Variants in OPA3 observed in about 807,000 individuals in gnomAD.
OPA3 encodes the protein outer mitochondrial membrane lipid metabolism regulator OPA3.
A neutral mutation model predicts 4.0 loss-of-function variants in OPA3; 6 were observed. The ratio of observed to expected loss-of-function variants is 1.51; its 90% CI spans 0.83 to 2.99. The LOEUF is 2.99. Among genes scored for constraint, OPA3 ranks in the 30% most tolerant of loss-of-function variants. The pLI, the probability that OPA3 is intolerant of heterozygous loss-of-function variation, is 0.00. For missense variants in OPA3, 235 were observed against 256.2 expected (o/e 0.92, Z 0.56); for synonymous variants, 105 against 117.1 (o/e 0.90, Z 0.67).
At chr19:45,529,211 C>A in exon 2 of OPA3, 1 of 1,612,226 alleles carries the variant, frequency 6.2e-7, no homozygotes, top group Non-Finnish European at 8.5e-7. Flanking sequence ...AGCGCCAGCC[C>A]CAAGTGGCCC....
chr19:45,567,778 C>T (rs544609323), intron 1 of OPA3, among the ~76,000 whole-genome samples: 5 of 152,254 alleles, frequency 3.3e-5, no homozygotes, highest in African/African-American at 4.8e-5. Flanking sequence ...CTGTTTCTCT[C>T]GCTTTGAGAG....
chr19:45,573,159 G>C lies in OPA3; in HGVS notation c.142+11464C>G, dbSNP rs1243480422. On this transcript the variant is annotated intron_variant, in intron 1 of 1. Transcript: ENST00000263275. ...TTCTAGTTCACCAGGTACCTTGCCAGAGACCTGGTTCTACACAAGGCTGTT... is the reference window on the plus strand; with the variant it reads ...TTCTAGTTCACCAGGTACCTTGCCACAGACCTGGTTCTACACAAGGCTGTT... Among the ~76,000 whole-genome samples, 3 of 151,996 alleles carry C rather than the reference G, an allele frequency of 2.0e-5. No homozygotes were observed. The East Asian group carries it at 5.8e-4, about 29-fold the overall frequency.
intron 1 of OPA3, among the ~76,000 whole-genome samples, chr19:45,540,681 C>A (rs370824601): frequency 1.1e-4 from 16 of 150,546 alleles, no homozygotes; most frequent in African/African-American, 3.9e-4. Flanking sequence ...CAGGCGCCTG[C>A]AATCCCAGCT....
chr19:45,566,229 A>C (rs768951976), intron 1 of OPA3, among the ~76,000 whole-genome samples: 35 of 151,564 alleles, frequency 2.3e-4, no homozygotes, highest in Non-Finnish European at 4.3e-4. Flanking sequence ...AGCTCACTGC[A>C]ACCTCTGCTG....
At chr19:45,584,246 G>T in intron 1 of OPA3, 1 of 732,058 alleles carries the variant, frequency 1.4e-6, no homozygotes, top group Non-Finnish European at 1.7e-6. Flanking sequence ...GTTGCCCAAG[G>T]ACAGCCGGGC....
intron 1 of OPA3, among the ~76,000 whole-genome samples, chr19:45,559,757 G>A (rs896490305): frequency 6.6e-6 from 1 of 151,950 alleles, no homozygotes; most frequent in African/African-American, 2.4e-5. Context: ...ATCTCAGCTG[G>A]ACTGTCCCTT....
rs1969264636 is a variant in OPA3, at chr19:45,547,375, T to C, written c.*6139A>G. ...ACTGCAAAAGCAACTGTGGAAAATATGCAAACGAATGAGCGCCTGGGTTCC... is the reference window on the plus strand; with the variant it reads ...ACTGCAAAAGCAACTGTGGAAAATACGCAAACGAATGAGCGCCTGGGTTCC... On this transcript the variant is annotated 3_prime_UTR_variant, in exon 2 of 2. Coordinates refer to ENST00000263275, the MANE Select transcript of OPA3 (RefSeq NM_025136.4). 1 of 152,202 alleles carries C rather than the reference T, an allele frequency of 6.6e-6. No homozygotes were observed. Among genetic ancestry groups the C allele is most frequent in the African/African-American group, 2.4e-5 (1 of 41,430 alleles). 9.4% of individuals were successfully genotyped at this position (152,202 alleles called of 1,614,324 possible). A position where few individuals can be genotyped will look rare whatever the true frequency, so the allele number is the denominator to read the frequency against.
rs1414435956 is a variant in OPA3, at chr19:45,572,981, C to A, written c.142+11642G>T. On this transcript the variant is annotated intron_variant, in intron 1 of 1. Coordinates refer to ENST00000263275, the MANE Select transcript of OPA3 (RefSeq NM_025136.4). ...CAGGTGCTTAGATACAATTAGGTACCCCTAGGGGTTCATTCTCAGCCTGCA... is the reference window on the plus strand; with the variant it reads ...CAGGTGCTTAGATACAATTAGGTACACCTAGGGGTTCATTCTCAGCCTGCA... Among the ~76,000 whole-genome samples, 7 of 151,376 alleles carry A rather than the reference C, an allele frequency of 4.6e-5. No homozygotes were observed. In the East Asian group the frequency reaches 1.4e-3, roughly 29 times the overall value.
At chr19:45,572,616 CATGAT>C (rs1969698083) in intron 1 of OPA3, among the ~76,000 whole-genome samples, 2 of 127,532 alleles carry the variant, frequency 1.6e-5, no homozygotes, top group Admixed American at 8.6e-5. Flanking sequence ...TCATATATAT[CATGAT>C]ATATGTATAT....
intron 1 of OPA3, among the ~76,000 whole-genome samples, chr19:45,560,546 C>T (rs745661355): frequency 7.9e-5 from 12 of 152,144 alleles, no homozygotes; most frequent in East Asian, 1.9e-4. Flanking sequence ...TCTGTCCCCT[C>T]GAGAATGTGG....
At position 45,529,328 on chromosome 19, in the gene OPA3, TGAA is replaced by T. The variant is rs755084544; in HGVS notation, c.268_270del (p.Phe90del). ...AGCATCAGGCAGCTGCAGGCGGTGA[TGAA>T]GATGATGCCCTCGCCCAGCAGCTCC... is the stretch of plus-strand genomic sequence containing the variant. On this transcript the variant is annotated inframe_deletion, in exon 2 of 2. Transcript: ENST00000323060. 1 of 1,614,174 alleles carries T rather than the reference TGAA, an allele frequency of 6.2e-7. No homozygotes were observed. The highest frequency in any genetic ancestry group is 8.5e-7 in the Non-Finnish European group (1 of 1,180,034).
intron 1 of OPA3, among the ~76,000 whole-genome samples, chr19:45,580,321 T>C (rs1339376397): frequency 4.8e-5 from 7 of 146,630 alleles, no homozygotes; most frequent in Non-Finnish European, 1.1e-4. Context: ...GAGACAGAGT[T>C]TCACTCTTGT....
downstream of OPA3, among the ~76,000 whole-genome samples, chr19:45,542,531 G>A (rs1018253559): frequency 3.3e-5 from 5 of 152,136 alleles, no homozygotes; most frequent in Admixed American, 6.5e-5. Flanking sequence ...AAGTACTTGC[G>A]TGTCTAGACA....
At chr19:45,528,348 T>C (rs7259834) in exon 2 of OPA3, 149,078 of 152,614 alleles carry the variant, frequency 0.98, 72,823 homozygotes, top group East Asian at 1. Context: ...GCGCCATAGG[T>C]GGAAGAAGAG....
intron 1 of OPA3, among the ~76,000 whole-genome samples, chr19:45,558,042 A>C (rs1209254777): frequency 6.6e-6 from 1 of 152,194 alleles, no homozygotes. Context: ...TGAGAAGAAA[A>C]GAACAAACTG....
intron 1 of OPA3, among the ~76,000 whole-genome samples, chr19:45,568,617 G>T (rs1969617074): frequency 6.6e-6 from 1 of 152,130 alleles, no homozygotes; most frequent in African/African-American, 2.4e-5. Context: ...ACCCGAGACT[G>T]CAGTAACACA....
downstream of OPA3, among the ~76,000 whole-genome samples, chr19:45,541,842 G>A (rs893652321): frequency 5.9e-5 from 9 of 152,200 alleles, no homozygotes; most frequent in African/African-American, 2.2e-4. Context: ...TGATATTACA[G>A]GTGTGAGCCA....
chr19:45,529,145 G>A lies in OPA3; in HGVS notation c.454C>T (p.Leu152=), dbSNP rs376630127. 159 of 1,609,392 alleles carry A rather than the reference G, an allele frequency of 9.9e-5. No homozygotes were observed. The highest frequency in any genetic ancestry group is 1.1e-4 in the Non-Finnish European group (135 of 1,179,002). Reference sequence around the variant, plus strand: ...CGCACCTCCTGCAGCTGAGCGCGCAGCTCCTCCAGGGCGAGCTGCGTCGAC... The same window carrying A: ...CGCACCTCCTGCAGCTGAGCGCGCAACTCCTCCAGGGCGAGCTGCGTCGAC... The change falls in exon 2 of 2, where the codon CTG becomes TTG. Residue 152 remains leucine, a synonymous_variant. Transcript: ENST00000323060.
chr19:45,530,108 C>A (rs567511257), intron 1 of OPA3, among the ~76,000 whole-genome samples: 1 of 152,156 alleles, frequency 6.6e-6, no homozygotes, highest in African/African-American at 2.4e-5. Flanking sequence ...AATCCCAGCA[C>A]TTTGAGAGGC....
Sources: allele counts gnomAD v4.1 joint callset (sites outside exome capture counted in the v4.1 genomes callset), GRCh38; gene constraint gnomAD v4.1.1; transcripts MANE v1.5; gene names NCBI Gene and HGNC (gene_info 2026-07-23, HGNC 2026-07-21).